The following FCAMR variants were observed in gnomAD, a reference collection of about 807,000 sequenced individuals.
The protein encoded by FCAMR is Fc alpha and mu receptor.
A neutral mutation model predicts 52.2 loss-of-function variants in FCAMR; 51 were observed. The ratio of observed to expected loss-of-function variants is 0.98; its 90% CI spans 0.78 to 1.23. The LOEUF is 1.23. Ranked by LOEUF, FCAMR falls within the 50% of genes most tolerant of loss-of-function variation. FCAMR has a pLI of 0.00. For missense variants in FCAMR, 719 were observed against 712.6 expected (o/e 1.01, Z -0.10); for synonymous variants, 282 against 262.0 (o/e 1.08, Z -0.74).
intron 4 of FCAMR, among the ~76,000 whole-genome samples, chr1:206,965,224 G>A (rs1207649719): frequency 6.6e-6 from 1 of 152,206 alleles, no homozygotes; most frequent in Non-Finnish European, 1.5e-5. Flanking sequence ...CCCCTGATCT[G>A]TATGTGAAAC....
At chr1:206,964,476 T>TGGG (rs142464442) in intron 4 of FCAMR, among the ~76,000 whole-genome samples, 1 of 151,824 alleles carries the variant, frequency 6.6e-6, no homozygotes, top group South Asian at 2.1e-4. Context: ...GATTGGGTTG[T>TGGG]GGGGGAGGAT....
At position 206,962,557 on chromosome 1, in the gene FCAMR, G is replaced by A. The variant is rs777795004; in HGVS notation, c.314-6C>T. 6.5e-7 allele frequency: 1 copy of A among 1,529,164 alleles called. No homozygotes were observed. The highest frequency in any genetic ancestry group is 1.4e-5 in the African/African-American group (1 of 73,182). The allele number at this position is 1,529,164 out of a possible 1,614,324, so 94.7% of individuals were successfully genotyped here. On this transcript the variant is annotated splice_polypyrimidine_tract_variant and splice_region_variant and intron_variant, in intron 4 of 7. Transcript: ENST00000324852. ...GCCCTTCAATGAATTTGGAGCTGCA[G>A]ACAGAGAAGGAAGTCAAAGGAGAGG...
In FCAMR at chr1:206,970,135, GA is replaced by G; in HGVS notation, c.-11del. On this transcript the variant is annotated 5_prime_UTR_variant, in exon 1 of 8. Coordinates refer to ENST00000324852, the MANE Select transcript of FCAMR (RefSeq NM_001170631.2). Reference sequence around the variant, plus strand: ...TGGCCTCTCCATCCATCTCAGTCCAGAAACAAGATCCAGGTGGACTTTTCTT... The same window carrying G: ...TGGCCTCTCCATCCATCTCAGTCCAGAACAAGATCCAGGTGGACTTTTCTT... 3 of 1,613,928 alleles carry G rather than the reference GA, an allele frequency of 1.9e-6. No individual in the cohort carries two copies. The highest frequency in any genetic ancestry group is 2.5e-6 in the Non-Finnish European group (3 of 1,179,906).
intron 1 of FCAMR, among the ~76,000 whole-genome samples, chr1:206,969,606 A>G (rs762831882): frequency 9.2e-5 from 14 of 152,164 alleles, no homozygotes; most frequent in Non-Finnish European, 2.1e-4. Flanking sequence ...GACTTCCCAG[A>G]TGCCTACTGG....
chr1:206,967,726 A>T, intron 1 of FCAMR, 75 bp from the exon 2 acceptor site: 1 of 1,389,600 alleles, frequency 7.2e-7, no homozygotes, highest in Non-Finnish European at 1.0e-6. Context: ...GGTTAGTAAC[A>T]AGGAGTTAAA....
intron 4 of FCAMR, among the ~76,000 whole-genome samples, chr1:206,964,899 T>TA (rs1680646131): frequency 6.6e-6 from 1 of 152,164 alleles, no homozygotes; most frequent in Non-Finnish European, 1.5e-5. Context: ...AGCAGAGCAT[T>TA]AAGCCAAGTA....
intron 4 of FCAMR, 150 bp downstream of exon 4, chr1:206,965,565 C>T (rs751327700): frequency 3.9e-5 from 38 of 975,840 alleles, no homozygotes; most frequent in Non-Finnish European, 5.3e-5. Flanking sequence ...TGGCTCTCAT[C>T]CCCTCATTGT....
At chr1:206,960,351 G>T in intron 6 of FCAMR, 71 bp downstream of exon 6, 1 of 1,372,602 alleles carries the variant, frequency 7.3e-7, no homozygotes, top group Non-Finnish European at 9.7e-7. Flanking sequence ...AGAGGGAGAG[G>T]GGCCTCCCTT....
chr1:206,960,691 C>T lies in FCAMR; in HGVS notation c.1185G>A (p.Thr395=), dbSNP rs3813956. 5.7e-3 allele frequency: 8,839 copies of T among 1,552,150 alleles called. 276 individuals are homozygous for T. The East Asian group carries it at 0.069, about 12-fold the overall frequency. The part of the protein sequence containing the change: ...TLAWEILPQA[T]PVSKQQSQGS... ...CCTGAGATTGTTGCTTAGAAACTGG[C>T]GTTGCTTGTGGGAGGATTTCCCAGG... Residue 395 remains threonine (T), a synonymous_variant, in exon 6 of 8, where the codon ACG becomes ACA. Transcript: ENST00000324852.
chr1:206,963,502 A>G (rs1680588074), intron 4 of FCAMR, among the ~76,000 whole-genome samples: 1 of 152,144 alleles, frequency 6.6e-6, no homozygotes, highest in African/African-American at 2.4e-5. Flanking sequence ...GTAATTTCTC[A>G]TGGATAATAA....
At chr1:206,969,281 A>T in intron 1 of FCAMR, 3 of 456,434 alleles carry the variant, frequency 6.6e-6, no homozygotes, top group South Asian at 4.7e-5. Context: ...CAGGGAGAAA[A>T]GCCGGCTCCG....
At chr1:206,967,177 G>C (rs1558027907) in intron 2 of FCAMR, 65 bp from the exon 3 acceptor site, 1 of 1,531,806 alleles carries the variant, frequency 6.5e-7, no homozygotes. Flanking sequence ...TGGGACTTGA[G>C]AGAACAAGCA....
intron 3 of FCAMR, among the ~76,000 whole-genome samples, chr1:206,966,303 AT>A (rs1479151587): frequency 2.6e-5 from 4 of 152,174 alleles, no homozygotes; most frequent in Non-Finnish European, 4.4e-5. Context: ...TTACTGAAAA[AT>A]TTTAAAAGGG....
chr1:206,968,061 C>T (rs1210094870), intron 1 of FCAMR, among the ~76,000 whole-genome samples: 3 of 152,196 alleles, frequency 2.0e-5, no homozygotes, highest in Admixed American at 6.5e-5. Flanking sequence ...AGATTGTGGC[C>T]GGGCACAGTG....
In FCAMR at chr1:206,959,409, G is replaced by A. The variant is rs544405110; in HGVS notation, c.1573+270C>T. Among the ~76,000 whole-genome samples, 328 of 151,202 alleles carry A rather than the reference G, an allele frequency of 2.2e-3. 3 individuals are homozygous for A. The highest frequency in any genetic ancestry group is 2.5e-3 in the Non-Finnish European group (170 of 67,880). On this transcript the variant is annotated intron_variant, in intron 7 of 7. Coordinates refer to ENST00000324852, the MANE Select transcript of FCAMR (RefSeq NM_001170631.2). The stretch of plus-strand genomic sequence containing the variant: ...GGAGAATTGCTTGAATCTGGGAGGC[G>A]GAAGTTGTAGTGAGCCAAGATCACA...
At chr1:206,969,197 C>T (rs1002384466) in intron 1 of FCAMR, 7 of 414,160 alleles carry the variant, frequency 1.7e-5, no homozygotes, top group African/African-American at 1.2e-4. Context: ...TGATGCAGCA[C>T]ATGTTGGGGC....
chr1:206,964,753 A>G lies in FCAMR; in HGVS notation c.313+962T>C, dbSNP rs1680641587. Reference sequence around the variant, plus strand: ...CTTTATAAATTACCCAGTCTCAGGTATTTCTTTATAGCACCGTAAAAATGG... The same window carrying G: ...CTTTATAAATTACCCAGTCTCAGGTGTTTCTTTATAGCACCGTAAAAATGG... On this transcript the variant is annotated intron_variant, in intron 4 of 7. Coordinates refer to ENST00000324852, the MANE Select transcript of FCAMR (RefSeq NM_001170631.2). 1.3e-5 allele frequency among the ~76,000 whole-genome samples: 2 copies of G among 152,158 alleles called. 1 individual carries two copies. The highest frequency in any genetic ancestry group is 4.1e-4 in the South Asian group (2 of 4,836).
At chr1:206,960,070 G>A (rs1192415491) in intron 6 of FCAMR, 8 of 505,928 alleles carry the variant, frequency 1.6e-5, no homozygotes, top group East Asian at 9.6e-5. Context: ...GGGAGCAAGC[G>A]ACTCCAGCCT....
chr1:206,959,586 A>G (rs1680408822), intron 7 of FCAMR, 93 bp downstream of exon 7: 3 of 933,244 alleles, frequency 3.2e-6, no homozygotes, highest in Non-Finnish European at 5.2e-6. Flanking sequence ...TCTACATTGA[A>G]AAGTCCTGGC....
Sources: gnomAD v4.1 joint callset for allele counts (sites outside exome capture counted in the v4.1 genomes callset) on GRCh38, gnomAD v4.1.1 for gene constraint, MANE v1.5 for transcripts, NCBI Gene and HGNC (gene_info 2026-07-23, HGNC 2026-07-21) for gene names.